Variants in AADACL4 observed in about 807,000 individuals in gnomAD.
The protein encoded by AADACL4 is arylacetamide deacetylase-like 4.
A neutral mutation model predicts 14.1 loss-of-function variants in AADACL4; 9 were observed. That is an observed-to-expected ratio of 0.64 (90% CI 0.39 to 1.12). AADACL4 has a LOEUF of 1.12. Among genes scored for constraint, AADACL4 ranks in the 50% most tolerant of loss-of-function variants. The probability of loss-of-function intolerance (pLI) is 0.01; values close to 1 mark genes in which losing one functional copy is unlikely to be tolerated. For synonymous variants in AADACL4, 188 were observed against 201.6 expected (o/e 0.93, Z 0.57); for missense variants, 531 against 516.1 (o/e 1.03, Z -0.28).
At position 12,644,599 on chromosome 1, in the gene AADACL4, G is replaced by A. The variant is rs779192601; in HGVS notation, c.53G>A (p.Gly18Glu). Residue 18 changes from glycine to glutamate, a missense_variant, in exon 1 of 4, where the codon GGG (glycine) becomes GAG (glutamate). Physicochemically the swap from Gly to Glu is moderately conservative, Grantham distance 98. Transcript: ENST00000376221. ...TTGGCATTGCCCATCTTTTTCCTGGGGGTCTTTGTCTGGGCTGTCTTTGAG... is the reference window on the plus strand; with the variant it reads ...TTGGCATTGCCCATCTTTTTCCTGGAGGTCTTTGTCTGGGCTGTCTTTGAG... The part of the protein sequence containing the change: ...LLLALPIFFL[G>E]VFVWAVFEHF... 1.2e-6 allele frequency: 2 copies of A among 1,614,128 alleles called. No individual in the cohort carries two copies. Among genetic ancestry groups the A allele is most frequent in the East Asian group, 4.5e-5 (2 of 44,872 alleles).
rs747290543 is a variant in AADACL4, at chr1:12,666,129, G to T, written c.618G>T (p.Leu206Phe). 4.3e-6 allele frequency: 7 copies of T among 1,614,242 alleles called. No homozygotes were observed. The highest frequency in any genetic ancestry group is 2.2e-5 in the East Asian group (1 of 44,884). ...CGGTGGCCGCCATCACCCAGGCCTT[G>T]GTGGGCAGATCAGATCTTCCCCGGA... ...GAAVAAITQA[L>F]VGRSDLPRIR... is the part of the protein sequence containing the mutation. The change falls in exon 4 of 4, where the codon TTG (leucine) becomes TTT (phenylalanine). Residue 206 changes from leucine to phenylalanine, a missense_variant. By Grantham distance (22) the Leu-to-Phe change is conservative (BLOSUM62 0). Transcript: ENST00000376221.
intron 2 of AADACL4, among the ~76,000 whole-genome samples, chr1:12,654,911 A>C (rs1216908143): frequency 4.6e-5 from 7 of 152,192 alleles, no homozygotes; most frequent in Non-Finnish European, 1.0e-4. Flanking sequence ...GCCTTTGTCA[A>C]TTAATCTTTA....
At position 12,661,788 on chromosome 1, in the gene AADACL4, C is replaced by T. The variant is rs757023395; in HGVS notation, c.386-3C>T. The T allele has an allele frequency of 7.4e-6, 12 of 1,614,040 alleles. No homozygotes were observed. Among genetic ancestry groups the T allele is most frequent in the Non-Finnish European group, 1.0e-5 (12 of 1,180,008 alleles). ...TGCTGCTCTGAGTGTTTTTGTCTTG[C>T]AGATTGTTACCATGGCCTGTGCAAT... On this transcript the variant is annotated splice_polypyrimidine_tract_variant and splice_region_variant and intron_variant, in intron 2 of 3. Transcript: ENST00000376221.
chr1:12,651,283 G>A lies in AADACL4; in HGVS notation c.329G>A (p.Arg110Lys), dbSNP rs1647144113. The change falls in exon 2 of 4, where the codon AGA (arginine) becomes AAA (lysine). Residue 110 changes from arginine to lysine, a missense_variant. Transcript: ENST00000376221. The stretch of plus-strand genomic sequence containing the variant: ...TTCCAGCCGAAGGCAGCATCCTCCA[G>A]ACCCCGGCGAGGCATCATCTTCTAC... ...RLFQPKAASS[R>K]PRRGIIFYHG... 6.2e-7 allele frequency: 1 copy of A among 1,614,206 alleles called. No individual in the cohort carries two copies. The highest frequency in any genetic ancestry group is 8.5e-7 in the Non-Finnish European group (1 of 1,180,042).
Position 12,665,958 on chromosome 1 carries a change from T to C in AADACL4, c.450-3T>C. On this transcript the variant is annotated splice_region_variant and splice_polypyrimidine_tract_variant and intron_variant, in intron 3 of 3. Transcript: ENST00000376221. ...GTAGTGTTGCTCCCTGTTTTCGTTT[T>C]AGGTACCGCAAGCTTCCTGACCACC... 1 of 1,599,242 alleles carries C rather than the reference T, an allele frequency of 6.3e-7. No individual in the cohort carries two copies. Among genetic ancestry groups the C allele is most frequent in the Non-Finnish European group, 8.5e-7 (1 of 1,170,928 alleles).
chr1:12,651,021 G>C, intron 1 of AADACL4, 102 bp from the exon 2 acceptor site: 1 of 1,166,242 alleles, frequency 8.6e-7, no homozygotes, highest in Non-Finnish European at 1.3e-6. Flanking sequence ...GGAGGCAGGT[G>C]AGAAACTGTG....
In AADACL4 at chr1:12,666,027, CT is replaced by C; in HGVS notation, c.518del (p.Phe173SerfsTer2). On this transcript the variant is annotated frameshift_variant, in exon 4 of 4. Transcript: ENST00000376221. LOFTEE classifies it low-confidence loss of function (END_TRUNC). The stretch of plus-strand genomic sequence containing the variant: ...AAGACTGCATGAATGCCTCCATTCA[CT>C]TCCTGAAGGCCCTGGAAACCTATGG... ...FQDCMNASIH[F>X]LKALETYGVD... 6.2e-7 allele frequency: 1 copy of C among 1,614,210 alleles called. No individual in the cohort carries two copies. The highest frequency in any genetic ancestry group is 8.5e-7 in the Non-Finnish European group (1 of 1,180,018).
chr1:12,662,101 T>C (rs1306919433), intron 3 of AADACL4, among the ~76,000 whole-genome samples: 2 of 152,156 alleles, frequency 1.3e-5, no homozygotes. Flanking sequence ...CAAGAAGATA[T>C]TATGGATTTT....
rs769195948 is a variant in AADACL4, at chr1:12,644,504, A to G, written c.-43A>G. 6.2e-7 allele frequency: 1 copy of G among 1,601,194 alleles called. No homozygotes were observed. The highest frequency in any genetic ancestry group is 1.1e-5 in the South Asian group (1 of 88,866). On this transcript the variant is annotated 5_prime_UTR_variant, in exon 1 of 4. Coordinates refer to ENST00000376221, the MANE Select transcript of AADACL4 (RefSeq NM_001013630.2). ...CCAGGTCCTCTTCACATAAGCTATC[A>G]GACAAGCTCCTCAGGGCAGCAGCTC...
At chr1:12,661,974 C>T in intron 3 of AADACL4, 120 bp downstream of exon 3, 1 of 1,108,190 alleles carries the variant, frequency 9.0e-7, no homozygotes, top group Non-Finnish European at 1.3e-6. Flanking sequence ...GGACATGCAT[C>T]CACAGAGACA....
Position 12,650,628 on chromosome 1 carries a change from G to T in AADACL4, c.169-495G>T, listed in dbSNP as rs186239067. ...GTTCACTGCAACCTCTGACTCCCAG[G>T]TTCAAGTGATTCTCCTGCCTCAGCC... On this transcript the variant is annotated intron_variant, in intron 1 of 3. Transcript: ENST00000376221. Among the ~76,000 whole-genome samples the T allele has an allele frequency of 6.6e-4, 100 of 151,986 alleles. 1 individual carries two copies. In the East Asian group the frequency reaches 0.018, roughly 28 times the overall value.
chr1:12,644,511 C>G lies in AADACL4; in HGVS notation c.-36C>G. ...CTCTTCACATAAGCTATCAGACAAG[C>G]TCCTCAGGGCAGCAGCTCCTCAAGG... On this transcript the variant is annotated 5_prime_UTR_variant, in exon 1 of 4. Coordinates refer to ENST00000376221, the MANE Select transcript of AADACL4 (RefSeq NM_001013630.2). 6.2e-7 allele frequency: 1 copy of G among 1,605,456 alleles called. No individual in the cohort carries two copies. Among genetic ancestry groups the G allele is most frequent in the Non-Finnish European group, 8.5e-7 (1 of 1,176,052 alleles).
chr1:12,660,499 G>C (rs977056433), intron 2 of AADACL4, among the ~76,000 whole-genome samples: 3 of 152,072 alleles, frequency 2.0e-5, no homozygotes, highest in Non-Finnish European at 2.9e-5. Context: ...AGGAATGTCT[G>C]GGTTACATCG....
chr1:12,645,668 C>G (rs1647107005), intron 1 of AADACL4, among the ~76,000 whole-genome samples: 1 of 152,078 alleles, frequency 6.6e-6, no homozygotes. Flanking sequence ...CTCAGCCTCC[C>G]AAGTAGCTGG....
chr1:12,661,819 G>A lies in AADACL4; in HGVS notation c.414G>A (p.Leu138=), dbSNP rs768464403. The A allele has an allele frequency of 6.2e-7, 1 of 1,614,164 alleles. No individual in the cohort carries two copies. The highest frequency in any genetic ancestry group is 8.5e-7 in the Non-Finnish European group (1 of 1,180,030). Residue 138 remains leucine (L), a synonymous_variant, in exon 3 of 4, where the codon CTG becomes CTA. Coordinates refer to ENST00000376221, the MANE Select transcript of AADACL4 (RefSeq NM_001013630.2). The part of the protein sequence containing the change: ...LDCYHGLCNY[L]ARETESVLLM... ...GTTACCATGGCCTGTGCAATTATCT[G>A]GCCCGGGAGACTGAATCTGTACTTC...
Position 12,651,281 on chromosome 1 carries a change from C to T in AADACL4, c.327C>T (p.Ser109=), listed in dbSNP as rs748331756. ...VRLFQPKAAS[S]RPRRGIIFYH... ...TGTTCCAGCCGAAGGCAGCATCCTC[C>T]AGACCCCGGCGAGGCATCATCTTCT... The change falls in exon 2 of 4, where the codon TCC becomes TCT. Residue 109 remains serine (S), a synonymous_variant. Coordinates refer to ENST00000376221, the MANE Select transcript of AADACL4 (RefSeq NM_001013630.2). The T allele has an allele frequency of 8.1e-6, 13 of 1,614,180 alleles. No individual in the cohort carries two copies. The South Asian group carries it at 1.4e-4, about 18-fold the overall frequency.
chr1:12,657,140 CAAAAAAAAA>C (rs59777423), intron 2 of AADACL4, among the ~76,000 whole-genome samples: 9 of 51,122 alleles, frequency 1.8e-4, no homozygotes, highest in Non-Finnish European at 3.4e-4. Context: ...AAGACTGTCT[CAAAAAAAAA>C]AAAAAAAAAA....
chr1:12,648,346 A>ATCCATCCTTCCTTCCTTCCT lies in AADACL4; in HGVS notation c.169-2774_169-2773insATCCTTCCTTCCTTCCTTCC, dbSNP rs1553146865. Among the ~76,000 whole-genome samples the ATCCATCCTTCCTTCCTTCCT allele has an allele frequency of 5.5e-3, 768 of 140,590 alleles. 8 individuals carry two copies. The highest frequency in any genetic ancestry group is 0.02 in the African/African-American group (710 of 35,468). The allele number at this position is 140,590 out of a possible 152,430, so 92.2% of individuals were successfully genotyped here. On this transcript the variant is annotated intron_variant, in intron 1 of 3. Transcript: ENST00000376221. ...AGCTATTTAAAATTCTGGACCTCAG[A>ATCCATCCTTCCTTCCTTCCT]TCCTTCCTTCCTTCCTTCCTTCCTT... is the stretch of plus-strand genomic sequence containing the variant.
At chr1:12,649,238 A>AT (rs2100758351) in intron 1 of AADACL4, among the ~76,000 whole-genome samples, 1 of 152,142 alleles carries the variant, frequency 6.6e-6, no homozygotes, top group African/African-American at 2.4e-5. Flanking sequence ...CGTGAACATG[A>AT]CTCTTGAGCC....
Sources: gnomAD v4.1 joint callset for allele counts (sites outside exome capture counted in the v4.1 genomes callset) on GRCh38, gnomAD v4.1.1 for gene constraint, MANE v1.5 for transcripts, NCBI Gene and HGNC (gene_info 2026-07-23, HGNC 2026-07-21) for gene names.